The following CCR2 variants were observed in gnomAD, a reference collection of about 807,000 sequenced individuals.
CCR2 encodes the protein C-C chemokine receptor type 2.
For synonymous variants in CCR2, 183 were observed against 177.1 expected (o/e 1.03, Z -0.27); for missense variants, 408 against 440.0 (o/e 0.93, Z 0.65).
chr3:46,357,907 G>A lies in CCR2; in HGVS notation c.380G>A (p.Gly127Glu). Residue 127 changes from glycine (G) to glutamate (E), a missense_variant, in exon 2 of 2, where the codon GGA becomes GAA. Gly to Glu is a moderately conservative substitution (Grantham distance 98). Transcript: ENST00000445132. ...CTGTATCACATCGGTTATTTTGGCG[G>A]AATCTTCTTCATCATCCTCCTGACA... Reference protein sequence around the residue: ...TGLYHIGYFGGIFFIILLTID... With the variant: ...TGLYHIGYFGEIFFIILLTID... 1 of 1,614,154 alleles carries A rather than the reference G, an allele frequency of 6.2e-7. No individual in the cohort carries two copies. Among genetic ancestry groups the A allele is most frequent in the Non-Finnish European group, 8.5e-7 (1 of 1,180,008 alleles).
rs761598058 is a variant in CCR2 at position 46,360,147 on chromosome 3, G to C, written c.*1537G>C. On this transcript the variant is annotated 3_prime_UTR_variant, in exon 2 of 2. Transcript: ENST00000445132. ...AGTTTGAGTTACTATCATGTCAAAC[G>C]TGAAAATGCTGTATTAGTCACAGAG... The C allele has an allele frequency of 7.4e-5, 26 of 349,230 alleles. No homozygotes were observed. Among genetic ancestry groups the C allele is most frequent in the Non-Finnish European group, 3.1e-5 (6 of 191,808 alleles). The allele number at this position is 349,230 out of a possible 1,614,324, so 21.6% of individuals were successfully genotyped here.
rs369390916 is a variant in CCR2, at chr3:46,357,602, T to C, written c.75T>C (p.Asp25=). ...GTGAAGAAGTCACCACCTTTTTTGA[T>C]TATGATTACGGTGCTCCCTGTCATA... ...ESGEEVTTFF[D]YDYGAPCHKF... Residue 25 remains aspartate (D), a synonymous_variant, in exon 2 of 2, where the codon GAT becomes GAC. Coordinates refer to ENST00000445132, the MANE Select transcript of CCR2 (RefSeq NM_001123396.4). 6 of 1,614,058 alleles carry C rather than the reference T, an allele frequency of 3.7e-6. No individual in the cohort carries two copies. The South Asian group carries it at 6.6e-5, about 18-fold the overall frequency.
Position 46,357,664 on chromosome 3 carries a change from C to G in CCR2, c.137C>G (p.Pro46Arg). The G allele has an allele frequency of 6.2e-7, 1 of 1,614,142 alleles. No individual in the cohort carries two copies. The highest frequency in any genetic ancestry group is 8.5e-7 in the Non-Finnish European group (1 of 1,180,032). Residue 46 changes from proline (P) to arginine (R), a missense_variant, in exon 2 of 2, where the codon CCT becomes CGT. Physicochemically the swap from Pro to Arg is moderately radical, Grantham distance 103 (BLOSUM62 -2). Coordinates refer to ENST00000445132, the MANE Select transcript of CCR2 (RefSeq NM_001123396.4). ...AAGCAAATTGGGGCCCAACTCCTGC[C>G]TCCGCTCTACTCGCTGGTGTTCATC... is the stretch of plus-strand genomic sequence containing the variant. ...DVKQIGAQLL[P>R]PLYSLVFIFG...
At chr3:46,355,025 T>C (rs1345836025) in intron 1 of CCR2, 2 of 152,208 alleles carry the variant, frequency 1.3e-5, no homozygotes, top group African/African-American at 4.8e-5. Flanking sequence ...CTGATGATGT[T>C]AGGGCTTATA....
Position 46,358,449 on chromosome 3 carries a change from G to T in CCR2, c.922G>T (p.Val308Phe). The change falls in exon 2 of 2, where the codon GTT (valine) becomes TTT (phenylalanine). Residue 308 changes from valine to phenylalanine, a missense_variant. By Grantham distance (50) the Val-to-Phe change is conservative. Transcript: ENST00000445132. Reference protein sequence around the residue: ...CCINPIIYAFVGEKFRRYLSV... With the variant: ...CCINPIIYAFFGEKFRRYLSV... ...CATCAATCCCATCATCTATGCCTTC[G>T]TTGGGGAGAAGTTCAGAAGGTATCT... The T allele has an allele frequency of 6.2e-7, 1 of 1,613,900 alleles. No individual in the cohort carries two copies. The highest frequency in any genetic ancestry group is 8.5e-7 in the Non-Finnish European group (1 of 1,179,978).
At chr3:46,355,720 G>A (rs186259379) in intron 1 of CCR2, among the ~76,000 whole-genome samples, 108 of 152,284 alleles carry the variant, frequency 7.1e-4, no homozygotes, top group African/African-American at 2.6e-3. Context: ...GCATCTATGA[G>A]GTGGAACTCA....
chr3:46,355,532 G>A (rs1406415983), intron 1 of CCR2, among the ~76,000 whole-genome samples: 1 of 152,272 alleles, frequency 6.6e-6, no homozygotes, highest in East Asian at 1.9e-4. Flanking sequence ...TAGGGCTACT[G>A]GAGGTTTTAA....
chr3:46,359,839 T>G lies in CCR2; in HGVS notation c.*1229T>G, dbSNP rs1701521128. 1 of 1,613,852 alleles carries G rather than the reference T, an allele frequency of 6.2e-7. No individual in the cohort carries two copies. The highest frequency in any genetic ancestry group is 1.3e-5 in the African/African-American group (1 of 74,884). ...TTGGCAGAGCCCCTGAAGCCAGTCT[T>G]CAGGACAAAGAAGGAGCCTAGAGAC... On this transcript the variant is annotated 3_prime_UTR_variant, in exon 2 of 2. Transcript: ENST00000445132.
In CCR2 at chr3:46,357,777, C is replaced by G; in HGVS notation, c.250C>G (p.Leu84Val). ...CTTGACTGACATTTACCTGCTCAACCTGGCCATCTCTGATCTGCTTTTTCT... is the reference window on the plus strand; with the variant it reads ...CTTGACTGACATTTACCTGCTCAACGTGGCCATCTCTGATCTGCTTTTTCT... ...KCLTDIYLLN[L>V]AISDLLFLIT... The change falls in exon 2 of 2, where the codon CTG (leucine) becomes GTG (valine). Residue 84 changes from leucine to valine, a missense_variant. Coordinates refer to ENST00000445132, the MANE Select transcript of CCR2 (RefSeq NM_001123396.4). The G allele has an allele frequency of 6.2e-7, 1 of 1,614,188 alleles. No individual in the cohort carries two copies. Among genetic ancestry groups the G allele is most frequent in the Non-Finnish European group, 8.5e-7 (1 of 1,180,026 alleles).
In CCR2 at chr3:46,359,888, GA is replaced by G. The variant is rs543475870; in HGVS notation, c.*1281del. The G allele has an allele frequency of 1.5e-5, 24 of 1,597,804 alleles. No homozygotes were observed. The South Asian group carries it at 2.7e-4, about 18-fold the overall frequency. On this transcript the variant is annotated 3_prime_UTR_variant, in exon 2 of 2. Coordinates refer to ENST00000445132, the MANE Select transcript of CCR2 (RefSeq NM_001123396.4). ...ACAGAAATGACAGATCTCTGCTTTG[GA>G]AATCACACGTCTGGCTTCACAGATG... is the stretch of plus-strand genomic sequence containing the variant.
Position 46,357,711 on chromosome 3 carries a change from C to T in CCR2, c.184C>T (p.Leu62=). 6.2e-7 allele frequency: 1 copy of T among 1,614,172 alleles called. No individual in the cohort carries two copies. Among genetic ancestry groups the T allele is most frequent in the South Asian group, 1.1e-5 (1 of 91,082 alleles). The part of the protein sequence containing the change: ...VFIFGFVGNM[L]VVLILINCKK... ...CATCTTTGGTTTTGTGGGCAACATGCTGGTCGTCCTCATCTTAATAAACTG... is the reference window on the plus strand; with the variant it reads ...CATCTTTGGTTTTGTGGGCAACATGTTGGTCGTCCTCATCTTAATAAACTG... Residue 62 remains leucine (L), a synonymous_variant, in exon 2 of 2, where the codon CTG becomes TTG. Coordinates refer to ENST00000445132, the MANE Select transcript of CCR2 (RefSeq NM_001123396.4).
Position 46,357,574 on chromosome 3 carries a change from G to A in CCR2, c.47G>A (p.Ser16Asn). 6.2e-7 allele frequency: 1 copy of A among 1,614,106 alleles called. No homozygotes were observed. The highest frequency in any genetic ancestry group is 1.1e-5 in the South Asian group (1 of 91,068). Residue 16 changes from serine to asparagine, a missense_variant, in exon 2 of 2, where the codon AGC becomes AAC. By Grantham distance (46) the Ser-to-Asn change is conservative. Transcript: ENST00000445132. ...RSRFIRNTNE[S>N]GEEVTTFFDY... ...CGGTTTATCAGAAATACCAACGAGA[G>A]CGGTGAAGAAGTCACCACCTTTTTT... is the stretch of plus-strand genomic sequence containing the variant.
rs752561542 is a variant in CCR2, at chr3:46,357,709, T to G, written c.182T>G (p.Met61Arg). Reference sequence around the variant, plus strand: ...TTCATCTTTGGTTTTGTGGGCAACATGCTGGTCGTCCTCATCTTAATAAAC... The same window carrying G: ...TTCATCTTTGGTTTTGTGGGCAACAGGCTGGTCGTCCTCATCTTAATAAAC... ...LVFIFGFVGN[M>R]LVVLILINCK... Residue 61 changes from methionine to arginine, a missense_variant, in exon 2 of 2, where the codon ATG (methionine) becomes AGG (arginine). By Grantham distance (91) the Met-to-Arg change is moderately conservative. Coordinates refer to ENST00000445132, the MANE Select transcript of CCR2 (RefSeq NM_001123396.4). The G allele has an allele frequency of 1.2e-6, 2 of 1,614,196 alleles. No individual in the cohort carries two copies. The highest frequency in any genetic ancestry group is 8.5e-7 in the Non-Finnish European group (1 of 1,180,016).
At position 46,358,458 on chromosome 3, in the gene CCR2, A is replaced by C; in HGVS notation, c.931A>C (p.Lys311Gln). The change falls in exon 2 of 2, where the codon AAG becomes CAG. Residue 311 changes from lysine (K) to glutamine (Q), a missense_variant. By Grantham distance (53) the Lys-to-Gln change is moderately conservative. Transcript: ENST00000445132. ...CATCATCTATGCCTTCGTTGGGGAGAAGTTCAGAAGGTATCTCTCGGTGTT... is the reference window on the plus strand; with the variant it reads ...CATCATCTATGCCTTCGTTGGGGAGCAGTTCAGAAGGTATCTCTCGGTGTT... ...NPIIYAFVGEKFRRYLSVFFR... is the reference protein window; with the variant it reads ...NPIIYAFVGEQFRRYLSVFFR... The C allele has an allele frequency of 6.2e-7, 1 of 1,613,852 alleles. No individual in the cohort carries two copies. The highest frequency in any genetic ancestry group is 8.5e-7 in the Non-Finnish European group (1 of 1,179,962).
At position 46,356,796 on chromosome 3, in the gene CCR2, T is replaced by C. The variant is rs977532976; in HGVS notation, c.-51-681T>C. Among the ~76,000 whole-genome samples the C allele has an allele frequency of 3.3e-5, 5 of 151,890 alleles. No homozygotes were observed. The East Asian group carries it at 9.7e-4, about 29-fold the overall frequency. On this transcript the variant is annotated intron_variant, in intron 1 of 1. Transcript: ENST00000445132. Reference sequence around the variant, plus strand: ...AGCGGGGCATGGTGGTGCACGCCTATAGTCCCATCTACTCAGGAGGCTGAG... The same window carrying C: ...AGCGGGGCATGGTGGTGCACGCCTACAGTCCCATCTACTCAGGAGGCTGAG...
rs767651209 is a variant in CCR2, at chr3:46,358,168, C to T, written c.641C>T (p.Pro214Leu). The change falls in exon 2 of 2, where the codon CCG becomes CTG. Residue 214 changes from proline to leucine, a missense_variant. Physicochemically the swap from Pro to Leu is moderately conservative, Grantham distance 98. Transcript: ENST00000445132. ...IMRNILGLVL[P>L]LLIMVICYSG... is the part of the protein sequence containing the mutation. ...AGGAACATTTTGGGGCTGGTCCTGC[C>T]GCTGCTCATCATGGTCATCTGCTAC... 4 of 1,614,006 alleles carry T rather than the reference C, an allele frequency of 2.5e-6. No homozygotes were observed. The highest frequency in any genetic ancestry group is 3.4e-6 in the Non-Finnish European group (4 of 1,180,016).
rs1701523243 is a variant in CCR2, at chr3:46,359,983, G to T, written c.*1373G>T. On this transcript the variant is annotated 3_prime_UTR_variant, in exon 2 of 2. Coordinates refer to ENST00000445132, the MANE Select transcript of CCR2 (RefSeq NM_001123396.4). The stretch of plus-strand genomic sequence containing the variant: ...GAAGGCTGAGAGGAGAGAGACTCCA[G>T]CTGGGTTGGAAAACAGTATTTTCCA... 4 of 913,240 alleles carry T rather than the reference G, an allele frequency of 4.4e-6. No homozygotes were observed. The highest frequency in any genetic ancestry group is 5.4e-5 in the East Asian group (2 of 37,132). 56.6% of individuals were successfully genotyped at this position (913,240 alleles called of 1,614,324 possible). A position where few individuals can be genotyped will look rare whatever the true frequency, so the allele number is the denominator to read the frequency against.
At position 46,358,157 on chromosome 3, in the gene CCR2, G is replaced by A. The variant is rs761571375; in HGVS notation, c.630G>A (p.Gly210=). The A allele has an allele frequency of 8.1e-6, 13 of 1,614,002 alleles. No individual in the cohort carries two copies. Among genetic ancestry groups the A allele is most frequent in the Non-Finnish European group, 1.1e-5 (13 of 1,180,018 alleles). ...NFHTIMRNIL[G]LVLPLLIMVI... Reference sequence around the variant, plus strand: ...ACACAATAATGAGGAACATTTTGGGGCTGGTCCTGCCGCTGCTCATCATGG... The same window carrying A: ...ACACAATAATGAGGAACATTTTGGGACTGGTCCTGCCGCTGCTCATCATGG... The change falls in exon 2 of 2, where the codon GGG becomes GGA. Residue 210 remains glycine (G), a synonymous_variant. Transcript: ENST00000445132.
chr3:46,358,781 CA>C lies in CCR2; in HGVS notation c.*172del. The C allele has an allele frequency of 1.4e-6, 2 of 1,412,012 alleles. No homozygotes were observed. Among genetic ancestry groups the C allele is most frequent in the Non-Finnish European group, 9.3e-7 (1 of 1,079,500 alleles). 87.5% of individuals were successfully genotyped at this position (1,412,012 alleles called of 1,614,324 possible). On this transcript the variant is annotated 3_prime_UTR_variant, in exon 2 of 2. Coordinates refer to ENST00000445132, the MANE Select transcript of CCR2 (RefSeq NM_001123396.4). Reference sequence around the variant, plus strand: ...ACCCAATGCATATCCAACATGTGCTCAGGGAATAATCCAGAAAAACTGTGGG... The same window carrying C: ...ACCCAATGCATATCCAACATGTGCTCGGGAATAATCCAGAAAAACTGTGGG...
Sources: allele counts gnomAD v4.1 joint callset (sites outside exome capture counted in the v4.1 genomes callset), GRCh38; gene constraint gnomAD v4.1.1; transcripts MANE v1.5; gene names NCBI Gene and HGNC (gene_info 2026-07-23, HGNC 2026-07-21).